The following CCDC13 variants were observed in gnomAD, a reference collection of about 807,000 sequenced individuals.
CCDC13 encodes the protein coiled-coil domain-containing protein 13.
CCDC13 carries 70 observed loss-of-function variants against 87.3 expected under a neutral mutation model. The ratio of observed to expected loss-of-function variants is 0.80; its 90% CI spans 0.66 to 0.98. The LOEUF (loss-of-function observed/expected upper bound fraction) is 0.98, where lower values mean the gene tolerates loss of function less well. Among genes scored for constraint, CCDC13 ranks in the 50% least tolerant of loss-of-function variants. CCDC13 has a pLI of 0.00. For synonymous variants in CCDC13, 317 were observed against 360.3 expected (o/e 0.88, Z 1.36); for missense variants, 842 against 892.0 (o/e 0.94, Z 0.71).
intron 1 of CCDC13, 22 bp from the exon 2 acceptor site, chr3:42,758,373 T>G: frequency 6.2e-7 from 1 of 1,607,800 alleles, no homozygotes; most frequent in Non-Finnish European, 8.5e-7. Context: ...AAATGAAGCC[T>G]CAGCTGAAGC....
chr3:42,723,633 A>T (rs1484892733), intron 13 of CCDC13, among the ~76,000 whole-genome samples: 1 of 152,254 alleles, frequency 6.6e-6, no homozygotes, highest in Non-Finnish European at 1.5e-5. Flanking sequence ...GAGCTGTAAG[A>T]TTCAACATCG....
chr3:42,752,126 T>A, intron 4 of CCDC13, 101 bp from the exon 5 acceptor site: 1 of 1,006,426 alleles, frequency 9.9e-7, no homozygotes. Context: ...ATCTTGGTGG[T>A]GTGTCCTTTT....
chr3:42,725,973 T>A (rs9830553), intron 13 of CCDC13, among the ~76,000 whole-genome samples: 76,009 of 151,972 alleles, frequency 0.5, 19,303 homozygotes, highest in African/African-American at 0.6. Flanking sequence ...CAAAATTATT[T>A]AAAGGAGAAA....
intron 1 of CCDC13, among the ~76,000 whole-genome samples, chr3:42,761,535 T>G (rs1368925899): frequency 6.6e-6 from 1 of 152,220 alleles, no homozygotes; most frequent in Non-Finnish European, 1.5e-5. Context: ...GGCACTGTGT[T>G]GTTCATTGCT....
chr3:42,742,523 C>A (rs1413699574), intron 8 of CCDC13, among the ~76,000 whole-genome samples: 1 of 152,160 alleles, frequency 6.6e-6, no homozygotes, highest in Non-Finnish European at 1.5e-5. Flanking sequence ...GGTGTTGAGT[C>A]CAGCCTGCCT....
At chr3:42,772,422 G>T (rs913788053) in intron 1 of CCDC13, among the ~76,000 whole-genome samples, 7 of 152,228 alleles carry the variant, frequency 4.6e-5, no homozygotes, top group Admixed American at 1.3e-4. Flanking sequence ...AGATCCCACA[G>T]GATATGGGAC....
chr3:42,720,833 T>C (rs1698543289), intron 13 of CCDC13, among the ~76,000 whole-genome samples: 1 of 152,218 alleles, frequency 6.6e-6, no homozygotes. Flanking sequence ...AACAGGTTTT[T>C]CTTAGAGCAA....
At chr3:42,726,749 G>GT (rs1317166347) in intron 13 of CCDC13, among the ~76,000 whole-genome samples, 2 of 151,580 alleles carry the variant, frequency 1.3e-5, no homozygotes, top group Non-Finnish European at 2.9e-5. Context: ...TTACATATAT[G>GT]TAAAGTCACA....
At chr3:42,743,169 C>T in intron 7 of CCDC13, 112 bp from the exon 8 acceptor site, 2 of 1,213,528 alleles carry the variant, frequency 1.6e-6, no homozygotes, top group Non-Finnish European at 2.3e-6. Context: ...CTCTAGATGG[C>T]TGTGGTAGCC....
At position 42,733,112 on chromosome 3, in the gene CCDC13, T is replaced by C. The variant is rs6781327; in HGVS notation, c.1512-142A>G. ...CAGTCCTGTGGATTTGCTGCCCTTC[T>C]TTCCAGAACTCTTGTTTGCTCAAAA... On this transcript the variant is annotated intron_variant, in intron 11 of 15. Coordinates refer to ENST00000310232, the MANE Select transcript of CCDC13 (RefSeq NM_144719.4). 4,043 of 681,390 alleles carry C rather than the reference T, an allele frequency of 5.9e-3. 114 individuals carry two copies. In the African/African-American group the frequency reaches 0.063, roughly 11 times the overall value. The allele number at this position is 681,390 out of a possible 1,614,324, so 42.2% of individuals were successfully genotyped here.
intron 14 of CCDC13, 79 bp from the exon 15 acceptor site, chr3:42,709,877 C>T (rs2125866572): frequency 1.9e-6 from 2 of 1,048,728 alleles, no homozygotes; most frequent in Non-Finnish European, 3.0e-6. Flanking sequence ...CCGCCATTGC[C>T]CACTGCCTGC....
chr3:42,744,237 G>A (rs1328124398), intron 7 of CCDC13, among the ~76,000 whole-genome samples: 1 of 152,178 alleles, frequency 6.6e-6, no homozygotes, highest in Non-Finnish European at 1.5e-5. Context: ...GCAAGTGGCA[G>A]GTAGATGTCA....
intron 3 of CCDC13, among the ~76,000 whole-genome samples, chr3:42,753,358 T>C (rs1699632006): frequency 6.6e-6 from 1 of 152,214 alleles, no homozygotes; most frequent in Admixed American, 6.5e-5. Context: ...AAATAAATGC[T>C]TACTGCTGCT....
chr3:42,766,627 C>T (rs1382892452), intron 1 of CCDC13, among the ~76,000 whole-genome samples: 3 of 138,460 alleles, frequency 2.2e-5, no homozygotes, highest in Admixed American at 2.2e-4. Flanking sequence ...AAAAAAACAA[C>T]CAACCAACCA....
At position 42,736,789 on chromosome 3, in the gene CCDC13, G is replaced by A. The variant is rs116496934; in HGVS notation, c.1165-876C>T. ...CAAGCCAGACATGATCACCCGCCCC[G>A]GGCCTGCAGGCACAACTTGGAATCT... On this transcript the variant is annotated intron_variant, in intron 9 of 15. Coordinates refer to ENST00000310232, the MANE Select transcript of CCDC13 (RefSeq NM_144719.4). Among the ~76,000 whole-genome samples, 494 of 152,058 alleles carry A rather than the reference G, an allele frequency of 3.2e-3. 3 individuals carry two copies. Among genetic ancestry groups the A allele is most frequent in the African/African-American group, 0.011 (457 of 41,466 alleles).
At chr3:42,739,442 C>T (rs1206340821) in intron 9 of CCDC13, among the ~76,000 whole-genome samples, 192 bp downstream of exon 9, 1 of 152,368 alleles carries the variant, frequency 6.6e-6, no homozygotes. Flanking sequence ...TACCTGCCCT[C>T]AGGCAGCCTC....
At chr3:42,720,751 G>A (rs1698541340) in intron 13 of CCDC13, among the ~76,000 whole-genome samples, 1 of 152,182 alleles carries the variant, frequency 6.6e-6, no homozygotes, top group Non-Finnish European at 1.5e-5. Context: ...CATTCTGTGT[G>A]TGAACATACT....
intron 8 of CCDC13, among the ~76,000 whole-genome samples, 166 bp from the exon 9 acceptor site, chr3:42,739,976 C>T (rs1286563225): frequency 1.3e-5 from 2 of 152,114 alleles, no homozygotes; most frequent in Non-Finnish European, 2.9e-5. Context: ...CCAGCCCAGG[C>T]CTCTCAGGGA....
At chr3:42,743,771 G>GCCGGGCAAGGAGGAA (rs1699309407) in intron 7 of CCDC13, among the ~76,000 whole-genome samples, 5 of 151,726 alleles carry the variant, frequency 3.3e-5, no homozygotes, top group African/African-American at 1.2e-4. Context: ...CTCCCAAAGT[G>GCCGGGCAAGGAGGAA]CTGGGCAAGG....
Sources: allele counts gnomAD v4.1 joint callset (sites outside exome capture counted in the v4.1 genomes callset), GRCh38; gene constraint gnomAD v4.1.1; transcripts MANE v1.5; gene names NCBI Gene and HGNC (gene_info 2026-07-23, HGNC 2026-07-21).